Variants in PDE12 observed in about 807,000 individuals in gnomAD.
PDE12 encodes the protein phosphodiesterase 12, also known as 2',5'-phosphodiesterase 12.
A neutral mutation model predicts 45.4 loss-of-function variants in PDE12; 26 were observed. That is an observed-to-expected ratio of 0.57 (90% CI 0.42 to 0.79). The LOEUF (loss-of-function observed/expected upper bound fraction) is 0.79, where lower values mean the gene tolerates loss of function less well. Among genes scored for constraint, PDE12 ranks in the 30% least tolerant of loss-of-function variants. PDE12 has a pLI of 0.00. For synonymous variants in PDE12, 283 were observed against 323.9 expected, an observed-to-expected ratio of 0.87 and a Z score of 1.36; for missense variants, 668 against 790.0, an observed-to-expected ratio of 0.85 and a Z score of 1.85.
chr3:57,559,635 T>C lies in PDE12; in HGVS notation c.1461T>C (p.Pro487=). 6.2e-7 allele frequency: 1 copy of C among 1,614,196 alleles called. No individual in the cohort carries two copies. Among genetic ancestry groups the C allele is most frequent in the Non-Finnish European group, 8.5e-7 (1 of 1,180,008 alleles). Residue 487 remains proline, a synonymous_variant, in exon 3 of 3, where the codon CCT becomes CCC. Transcript: ENST00000311180. ...GACATGTTTCATGTGATCTGTATCC[T>C]GGCATACCAGTTATATTTTGTGGGG... ...HIRHVSCDLY[P]GIPVIFCGDF... is the part of the protein sequence containing the mutation.
chr3:57,596,963 C>T, the PDE12 span: 1 of 1,199,056 alleles, frequency 8.3e-7, no homozygotes. Flanking sequence ...CCCGACCCGG[C>T]GCCCCTCCCC....
the PDE12 span, chr3:57,628,252 C>T: frequency 6.2e-7 from 1 of 1,613,934 alleles, no homozygotes. Flanking sequence ...CCTTGCAAGT[C>T]CTCTGGCAAT....
the PDE12 span, among the ~76,000 whole-genome samples, chr3:57,572,810 T>C: frequency 4.6e-5 from 7 of 152,194 alleles, no homozygotes; most frequent in African/African-American, 1.2e-4. Context: ...AAAGAAATCA[T>C]GGGGAAATTA....
chr3:57,579,909 C>T, the PDE12 span, among the ~76,000 whole-genome samples: 17 of 151,946 alleles, frequency 1.1e-4, no homozygotes, highest in Admixed American at 9.2e-4. Context: ...CAAGATCACC[C>T]TGGGCAGAGT....
the PDE12 span, chr3:57,584,516 A>G: frequency 7.0e-7 from 1 of 1,432,878 alleles, no homozygotes; most frequent in Non-Finnish European, 9.7e-7. Flanking sequence ...ACACTCCAAG[A>G]AATAATTTTA....
At chr3:57,641,604 G>A in the PDE12 span, 1 of 1,475,654 alleles carries the variant, frequency 6.8e-7, no homozygotes, top group Non-Finnish European at 9.2e-7. Context: ...AAAGAAACCT[G>A]TTCAGCAACA....
the PDE12 span, among the ~76,000 whole-genome samples, chr3:57,580,435 T>G: frequency 6.6e-6 from 1 of 152,142 alleles, no homozygotes; most frequent in African/African-American, 2.4e-5. Context: ...AAGGTCTCCT[T>G]TTGTCCCCCA....
chr3:57,609,098 A>G, the PDE12 span, among the ~76,000 whole-genome samples: 221 of 152,310 alleles, frequency 1.5e-3, 2 homozygotes, highest in Non-Finnish European at 2.2e-4. Flanking sequence ...AAACCGCTCA[A>G]CTACATGGAA....
At chr3:57,646,702 T>C in the PDE12 span, among the ~76,000 whole-genome samples, 1 of 152,332 alleles carries the variant, frequency 6.6e-6, no homozygotes, top group Non-Finnish European at 1.5e-5. Flanking sequence ...TAACTGACAA[T>C]AAAAGCATAT....
the PDE12 span, among the ~76,000 whole-genome samples, chr3:57,619,938 T>C: frequency 6.6e-6 from 1 of 151,278 alleles, no homozygotes; most frequent in Non-Finnish European, 1.5e-5. Flanking sequence ...TGATGAAAAA[T>C]TGAGGCCGGG....
the PDE12 span, among the ~76,000 whole-genome samples, chr3:57,590,311 C>T: frequency 1.3e-5 from 2 of 151,190 alleles, no homozygotes; most frequent in Non-Finnish European, 2.9e-5. Flanking sequence ...ATGGTGAAAC[C>T]CTGTCTCTAC....
At chr3:57,630,982 A>T in the PDE12 span, 1 of 1,610,358 alleles carries the variant, frequency 6.2e-7, no homozygotes, top group Non-Finnish European at 8.5e-7. Flanking sequence ...ATCTTTCCTA[A>T]AACCAAGAAA....
At chr3:57,630,679 C>T in the PDE12 span, 22 of 1,581,914 alleles carry the variant, frequency 1.4e-5, no homozygotes, top group Middle Eastern at 3.4e-4. Context: ...AAATAAAGCA[C>T]GACACATGGG....
the PDE12 span, among the ~76,000 whole-genome samples, chr3:57,573,099 G>A: frequency 2.0e-5 from 3 of 151,808 alleles, no homozygotes; most frequent in African/African-American, 4.8e-5. Flanking sequence ...CTACTCAGGA[G>A]GCTGAGGCAG....
At chr3:57,559,200 GAC>G (rs1229323951) in intron 1 of PDE12, 108 bp from the exon 2 acceptor site, 3 of 855,206 alleles carry the variant, frequency 3.5e-6, no homozygotes, top group Non-Finnish European at 5.6e-6. Context: ...CAGCCTGGTT[GAC>G]AGAGTGAGAC....
At chr3:57,558,871 A>T (rs892514442) in intron 1 of PDE12, among the ~76,000 whole-genome samples, 1 of 152,046 alleles carries the variant, frequency 6.6e-6, no homozygotes, top group African/African-American at 2.4e-5. Context: ...TCATGACTGC[A>T]GTCCTAGTTC....
the PDE12 span, chr3:57,598,205 C>T: frequency 1.3e-5 from 2 of 152,026 alleles, no homozygotes; most frequent in Admixed American, 1.3e-4. Context: ...CCTGCTACAC[C>T]TTTTAAAATT....
chr3:57,582,509 G>A, the PDE12 span, among the ~76,000 whole-genome samples: 1 of 152,082 alleles, frequency 6.6e-6, no homozygotes, highest in Non-Finnish European at 1.5e-5. Context: ...CCAAAGTGCT[G>A]GGATCACAGG....
chr3:57,600,871 A>C, the PDE12 span: 14 of 152,156 alleles, frequency 9.2e-5, no homozygotes, highest in African/African-American at 2.9e-4. Flanking sequence ...TTTAAAAAAT[A>C]TTTTAAAAAT....
Sources: gnomAD v4.1 joint callset for allele counts (sites outside exome capture counted in the v4.1 genomes callset) on GRCh38, gnomAD v4.1.1 for gene constraint, MANE v1.5 for transcripts, NCBI Gene and HGNC (gene_info 2026-07-23, HGNC 2026-07-21) for gene names.